Variants in TEX264 observed in about 807,000 individuals in gnomAD.
TEX264 encodes the protein testis expressed 264, ER-phagy receptor, also known as testis-expressed protein 264.
Under a neutral mutation model 23.4 loss-of-function variants are expected in TEX264, and 13 were observed. That is an observed-to-expected ratio of 0.56 (90% confidence interval 0.36 to 0.88). The LOEUF (loss-of-function observed/expected upper bound fraction) is 0.88. Ranked by LOEUF, TEX264 falls within the 40% of genes least tolerant of loss-of-function variation. The probability of loss-of-function intolerance (pLI) is 0.01; values close to 1 mark genes in which losing one functional copy is unlikely to be tolerated. For missense variants in TEX264, 340 were observed against 406.8 expected, an observed-to-expected ratio of 0.84 and a Z score of 1.41; for synonymous variants, 159 against 170.0, an observed-to-expected ratio of 0.94 and a Z score of 0.50.
In TEX264 at chr3:51,703,637, T is replaced by G; in HGVS notation, c.650-87T>G. 1 of 1,385,506 alleles carries G rather than the reference T, an allele frequency of 7.2e-7. No individual in the cohort carries two copies. The highest frequency in any genetic ancestry group is 9.8e-7 in the Non-Finnish European group (1 of 1,016,296). The allele number at this position is 1,385,506 out of a possible 1,614,324, so 85.8% of individuals were successfully genotyped here. ...TGAGCCCGGGAGGCTGCATTATTCA[T>G]GAGTGCACTGCGTGCTGAGTTGCCT... On this transcript the variant is annotated intron_variant, in intron 4 of 4. Coordinates refer to ENST00000341333, the MANE Select transcript of TEX264 (RefSeq NM_015926.6). The surrounding 1 kb of genome is among the most constrained non-coding windows in gnomAD (Gnocchi z 4.8).
intron 4 of TEX264, among the ~76,000 whole-genome samples, chr3:51,700,584 C>T (rs1380957305): frequency 6.6e-6 from 1 of 152,078 alleles, no homozygotes; most frequent in African/African-American, 2.4e-5. Context: ...CAGGACATGG[C>T]ACAAGGTCAG....
At chr3:51,680,267 A>C (rs1175483180) in intron 2 of TEX264, among the ~76,000 whole-genome samples, 1 of 152,196 alleles carries the variant, frequency 6.6e-6, no homozygotes, top group Non-Finnish European at 1.5e-5. Context: ...ACCATTTCTC[A>C]TTCCTGCATC....
rs942825005 is a variant in TEX264, at chr3:51,703,214, G to C, written c.650-510G>C. Among the ~76,000 whole-genome samples, 1 of 152,220 alleles carries C rather than the reference G, an allele frequency of 6.6e-6. No homozygotes were observed. The highest frequency in any genetic ancestry group is 2.4e-5 in the African/African-American group (1 of 41,460). On this transcript the variant is annotated intron_variant, in intron 4 of 4. Transcript: ENST00000341333. This position sits in a 1 kb window ranked among gnomAD's most constrained non-coding sequence, Gnocchi z 4.8. ...GATGCTGCTCCTGGGAGCCCTGCACGGGGGAGGGCTGCAGAGGGGCCTCCT... is the reference window on the plus strand; with the variant it reads ...GATGCTGCTCCTGGGAGCCCTGCACCGGGGAGGGCTGCAGAGGGGCCTCCT...
At chr3:51,694,270 A>T (rs1415245500) in intron 3 of TEX264, among the ~76,000 whole-genome samples, 2 of 152,040 alleles carry the variant, frequency 1.3e-5, no homozygotes, top group East Asian at 1.9e-4. Flanking sequence ...AGCTGGGATT[A>T]CATGCACCTG....
chr3:51,680,364 C>T (rs1389304251), intron 2 of TEX264, among the ~76,000 whole-genome samples: 1 of 152,188 alleles, frequency 6.6e-6, no homozygotes, highest in Non-Finnish European at 1.5e-5. Context: ...TTCGCTATAG[C>T]CTCACACAAT....
At chr3:51,671,616 G>A (rs1702046299) in intron 1 of TEX264, 1 of 155,042 alleles carries the variant, frequency 6.4e-6, no homozygotes. Flanking sequence ...CTCGCAGCCT[G>A]GGCTGCAAAC....
At chr3:51,679,985 G>T (rs754381810) in intron 2 of TEX264, among the ~76,000 whole-genome samples, 4 of 152,104 alleles carry the variant, frequency 2.6e-5, no homozygotes, top group African/African-American at 4.8e-5. Context: ...GGCAAACGAG[G>T]TCCCGTATCA....
At chr3:51,683,381 T>A (rs566778764) in intron 2 of TEX264, 1 of 152,214 alleles carries the variant, frequency 6.6e-6, no homozygotes, top group Non-Finnish European at 1.5e-5. Context: ...AAATGAGTAC[T>A]GGGCCTTGCA....
At position 51,704,076 on chromosome 3, in the gene TEX264, G is replaced by C. The variant is rs1703435597; in HGVS notation, c.*60G>C. On this transcript the variant is annotated 3_prime_UTR_variant, in exon 5 of 5. Transcript: ENST00000341333. ...GAGGAACTGAGCAGACTCTCCAGCAGACTCTCCAGCCCTCTTCCTCCTTCC... is the reference window on the plus strand; with the variant it reads ...GAGGAACTGAGCAGACTCTCCAGCACACTCTCCAGCCCTCTTCCTCCTTCC... The C allele has an allele frequency of 7.3e-7, 1 of 1,362,566 alleles. No homozygotes were observed. Among genetic ancestry groups the C allele is most frequent in the Non-Finnish European group, 9.5e-7 (1 of 1,050,158 alleles). The allele number at this position is 1,362,566 out of a possible 1,614,324, so 84.4% of individuals were successfully genotyped here.
chr3:51,681,114 T>C (rs1475061801), intron 2 of TEX264, among the ~76,000 whole-genome samples: 1 of 152,132 alleles, frequency 6.6e-6, no homozygotes, highest in Admixed American at 6.5e-5. Context: ...GGAAGTGTTC[T>C]TACTTGTGGA....
rs180929001 is a variant in TEX264 at position 51,691,213 on chromosome 3, A to G, written c.480+6579A>G. Among the ~76,000 whole-genome samples, 1 of 152,324 alleles carries G rather than the reference A, an allele frequency of 6.6e-6. No individual in the cohort carries two copies. The highest frequency in any genetic ancestry group is 1.9e-4 in the East Asian group (1 of 5,168). ...CTTGGGAACTGCTCTGGGCACAGGA[A>G]GCAGCTGCTGCAGGCACCTTATCGG... On this transcript the variant is annotated intron_variant, in intron 3 of 4. Transcript: ENST00000341333. This position sits in a 1 kb window ranked among gnomAD's most constrained non-coding sequence, Gnocchi z 4.4.
At chr3:51,681,144 A>G (rs552874293) in intron 2 of TEX264, among the ~76,000 whole-genome samples, 8 of 152,298 alleles carry the variant, frequency 5.3e-5, no homozygotes, top group South Asian at 2.1e-4. Context: ...TTGCTTAGCC[A>G]GGAAAGGAGC....
At chr3:51,671,876 G>A in intron 1 of TEX264, 1 of 152,298 alleles carries the variant, frequency 6.6e-6, no homozygotes, top group Non-Finnish European at 1.5e-5. Context: ...AGCTGGCTGG[G>A]CGCAGCCTTC....
chr3:51,700,247 G>C (rs1703242002), intron 4 of TEX264, among the ~76,000 whole-genome samples: 1 of 152,158 alleles, frequency 6.6e-6, no homozygotes, highest in Non-Finnish European at 1.5e-5. Flanking sequence ...TTACATCCCA[G>C]ATGGTCCCAG....
rs1702542614 is a variant in TEX264, at chr3:51,684,500, C to G, written c.346C>G (p.Gln116Glu). Residue 116 changes from glutamine (Q) to glutamate (E), a missense_variant, in exon 3 of 5, where the codon CAG becomes GAG. Gln to Glu is a conservative substitution (Grantham distance 29). Coordinates refer to ENST00000341333, the MANE Select transcript of TEX264 (RefSeq NM_015926.6). ...SPSPELIDLY[Q>E]KFGFKVFSFP... Reference sequence around the variant, plus strand: ...CTCCCCTGAGCTCATCGACCTCTACCAGAAATTTGGCTTCAAGGTGTTCTC... The same window carrying G: ...CTCCCCTGAGCTCATCGACCTCTACGAGAAATTTGGCTTCAAGGTGTTCTC... 7 of 1,614,212 alleles carry G rather than the reference C, an allele frequency of 4.3e-6. No individual in the cohort carries two copies. The highest frequency in any genetic ancestry group is 5.9e-6 in the Non-Finnish European group (7 of 1,180,038).
intron 1 of TEX264, among the ~76,000 whole-genome samples, chr3:51,673,239 T>G (rs1702113757): frequency 6.6e-6 from 1 of 152,166 alleles, no homozygotes. Context: ...CCCCAGTGGG[T>G]CACATGGCTC....
chr3:51,693,235 A>G (rs953904283), intron 3 of TEX264, among the ~76,000 whole-genome samples: 4 of 152,172 alleles, frequency 2.6e-5, no homozygotes, highest in Non-Finnish European at 5.9e-5. Flanking sequence ...GTGAAAATGA[A>G]AAGTCTTCAG....
intron 1 of TEX264, 92 bp from the exon 2 acceptor site, chr3:51,674,179 C>T: frequency 7.2e-7 from 1 of 1,396,500 alleles, no homozygotes; most frequent in South Asian, 1.3e-5. Context: ...CAAGGCAGGT[C>T]TGAGGAGGTT....
chr3:51,674,462 A>T lies in TEX264; in HGVS notation c.158A>T (p.His53Leu). Residue 53 changes from histidine (H) to leucine (L), a missense_variant, in exon 2 of 5, where the codon CAC becomes CTC. His to Leu is a moderately conservative substitution (Grantham distance 99). Transcript: ENST00000341333. ...AACGTCACTGTGGCCTACAAGTTCC[A>T]CATGGGGCTCTATGGTGAGACTGGG... ...IRNVTVAYKF[H>L]MGLYGETGRL... The T allele has an allele frequency of 6.2e-7, 1 of 1,614,192 alleles. No homozygotes were observed. Among genetic ancestry groups the T allele is most frequent in the Non-Finnish European group, 8.5e-7 (1 of 1,180,034 alleles).
Sources: gnomAD v4.1 joint callset for allele counts (sites outside exome capture counted in the v4.1 genomes callset) on GRCh38, gnomAD v4.1.1 for gene constraint, Gnocchi (gnomAD v3.1) non-coding constraint, MANE v1.5 for transcripts, NCBI Gene and HGNC (gene_info 2026-07-23, HGNC 2026-07-21) for gene names.